SIRPA: variants seen among roughly 807,000 people sequenced by gnomAD.
SIRPA encodes tyrosine-protein phosphatase non-receptor type substrate 1.
SIRPA carries 9 observed loss-of-function variants against 50.3 expected under a neutral mutation model. The ratio of observed to expected loss-of-function variants is 0.18; its 90% CI spans 0.11 to 0.31. The LOEUF (loss-of-function observed/expected upper bound fraction) is 0.31. Ranked by LOEUF, SIRPA falls within the 10% of genes least tolerant of loss-of-function variation. SIRPA has a pLI of 1.00. For missense variants in SIRPA, 474 were observed against 661.6 expected (o/e 0.72, Z 3.11); for synonymous variants, 265 against 284.1 (o/e 0.93, Z 0.68).
At chr20:1,910,956 TAAAC>T (rs1984855622) in intron 1 of SIRPA, among the ~76,000 whole-genome samples, 1 of 152,114 alleles carries the variant, frequency 6.6e-6, no homozygotes, top group South Asian at 2.1e-4. Flanking sequence ...ACAGAAAACA[TAAAC>T]AAGAGCAAAA....
intron 2 of SIRPA, among the ~76,000 whole-genome samples, chr20:1,917,037 CA>C (rs1985347787): frequency 6.6e-6 from 1 of 152,186 alleles, no homozygotes; most frequent in Non-Finnish European, 1.5e-5. Flanking sequence ...ACAATCACAG[CA>C]AATACGTGGC....
At chr20:1,931,442 C>CT (rs1986293855) in intron 6 of SIRPA, among the ~76,000 whole-genome samples, 1 of 152,176 alleles carries the variant, frequency 6.6e-6, no homozygotes, top group Admixed American at 6.5e-5. Flanking sequence ...TTCTTGCTGT[C>CT]TATTTCTTCT....
At chr20:1,914,011 A>G (rs1985067440) in intron 1 of SIRPA, among the ~76,000 whole-genome samples, 1 of 152,088 alleles carries the variant, frequency 6.6e-6, no homozygotes, top group Admixed American at 6.5e-5. Context: ...TGAGGCCTGG[A>G]CTGGGTCCAG....
At chr20:1,896,230 G>A (rs556162845) in intron 1 of SIRPA, among the ~76,000 whole-genome samples, 39 of 152,284 alleles carry the variant, frequency 2.6e-4, no homozygotes, top group African/African-American at 8.7e-4. Flanking sequence ...TGCCTTCCCC[G>A]AGCTTCCAGG....
chr20:1,900,978 C>T (rs553146731), intron 1 of SIRPA, among the ~76,000 whole-genome samples: 2 of 152,212 alleles, frequency 1.3e-5, no homozygotes, highest in East Asian at 3.9e-4. Context: ...ACACCGTAAG[C>T]GCCAGATGTG....
Position 1,922,420 on chromosome 20 carries a change from T to C in SIRPA, c.862T>C (p.Leu288=), listed in dbSNP as rs777112949. The stretch of plus-strand genomic sequence containing the variant: ...CCCCCAGAGACTACAGCTGACCTGG[T>C]TGGAGAATGGAAACGTGTCCCGGAC... ...FYPQRLQLTW[L]ENGNVSRTET... is the part of the protein sequence containing the mutation. Residue 288 remains leucine (L), a synonymous_variant, in exon 4 of 8, where the codon TTG becomes CTG. Transcript: ENST00000358771. 1.3e-5 allele frequency: 21 copies of C among 1,614,000 alleles called. No individual in the cohort carries two copies. The highest frequency in any genetic ancestry group is 3.3e-5 in the South Asian group (3 of 91,074).
At chr20:1,920,830 CA>C (rs1985603556) in intron 2 of SIRPA, among the ~76,000 whole-genome samples, 3 of 152,182 alleles carry the variant, frequency 2.0e-5, no homozygotes, top group Admixed American at 2.0e-4. Flanking sequence ...TTATCCAAAG[CA>C]AAACTGCTTC....
At chr20:1,923,328 G>A (rs746635702) in intron 4 of SIRPA, among the ~76,000 whole-genome samples, 8 of 152,246 alleles carry the variant, frequency 5.3e-5, no homozygotes, top group Non-Finnish European at 1.2e-4. Context: ...TGGCATTTCA[G>A]TGCAGCCATG....
In SIRPA at chr20:1,895,480, C is replaced by T. The variant is rs1363734219; in HGVS notation, c.33C>T (p.Leu11=). The stretch of plus-strand genomic sequence containing the variant: ...CCGCCGGCCCGGCCCCCGGCCGCCT[C>T]GGGCCGCTGCTCTGCCTGCTGCTCG... MEPAGPAPGR[L]GPLLCLLLAA... Residue 11 remains leucine (L), a synonymous_variant, in exon 1 of 8, where the codon CTC becomes CTT. Transcript: ENST00000358771. The T allele has an allele frequency of 9.0e-6, 13 of 1,441,204 alleles. No individual in the cohort carries two copies. Among genetic ancestry groups the T allele is most frequent in the Non-Finnish European group, 9.1e-6 (10 of 1,102,470 alleles). 89.3% of individuals were successfully genotyped at this position (1,441,204 alleles called of 1,614,324 possible).
Position 1,919,180 on chromosome 20 carries a change from C to A in SIRPA, c.437-2215C>A, listed in dbSNP as rs139205775. 2.1e-3 allele frequency among the ~76,000 whole-genome samples: 317 copies of A among 152,358 alleles called. 1 individual carries two copies. In the Middle Eastern group the frequency reaches 0.024, roughly 11 times the overall value. On this transcript the variant is annotated intron_variant, in intron 2 of 7. Transcript: ENST00000358771. Reference sequence around the variant, plus strand: ...CCTTAGGATGTACTCAGGTAGTTTTCAATCTTGGCTGCTCTTTAGGATCAT... The same window carrying A: ...CCTTAGGATGTACTCAGGTAGTTTTAAATCTTGGCTGCTCTTTAGGATCAT...
Position 1,928,993 on chromosome 20 carries a change from GATAA to G in SIRPA, c.1226+1100_1226+1103del, listed in dbSNP as rs1986151183. 6.6e-6 allele frequency among the ~76,000 whole-genome samples: 1 copy of G among 152,180 alleles called. No homozygotes were observed. Among genetic ancestry groups the G allele is most frequent in the African/African-American group, 2.4e-5 (1 of 41,438 alleles). ...CCATGTGGACATCCGTGCTAAGAGTGATAAATAAAACTATAAATAGCTTCATGTT... is the reference window on the plus strand; with the variant it reads ...CCATGTGGACATCCGTGCTAAGAGTGATAAAACTATAAATAGCTTCATGTT... On this transcript the variant is annotated intron_variant, in intron 6 of 7. Transcript: ENST00000358771. The surrounding 1 kb of genome is among the most constrained non-coding windows in gnomAD (Gnocchi z 4.9).
intron 2 of SIRPA, among the ~76,000 whole-genome samples, chr20:1,920,522 T>G (rs1406286387): frequency 6.6e-6 from 1 of 152,210 alleles, no homozygotes; most frequent in Non-Finnish European, 1.5e-5. Context: ...TTCTGCCTGC[T>G]TGGGCGCCCT....
chr20:1,922,954 C>G (rs1378804602), intron 4 of SIRPA, among the ~76,000 whole-genome samples: 1 of 152,174 alleles, frequency 6.6e-6, no homozygotes, highest in Non-Finnish European at 1.5e-5. Context: ...AGTTGTCATG[C>G]TCCCCATTCC....
At chr20:1,925,003 G>A in intron 5 of SIRPA, 126 bp downstream of exon 5, 1 of 741,302 alleles carries the variant, frequency 1.3e-6, no homozygotes, top group Non-Finnish European at 2.3e-6. Flanking sequence ...AGAGGTAGTG[G>A]TGCTAGGGCT....
chr20:1,907,246 C>T (rs1301452206), intron 1 of SIRPA, among the ~76,000 whole-genome samples: 1 of 152,216 alleles, frequency 6.6e-6, no homozygotes, highest in Non-Finnish European at 1.5e-5. Context: ...CCAGGCCACA[C>T]GCATCCCCAT....
rs371422148 is a variant in SIRPA, at chr20:1,934,704, T to C, written c.1227-11T>C. ...AGGGTATTTTTATCTGTGTGTCTCT[T>C]TCCTTTTTAGGTTGCATGAGCCCGA... On this transcript the variant is annotated splice_polypyrimidine_tract_variant and intron_variant, in intron 6 of 7. Transcript: ENST00000358771. The surrounding 1 kb of genome is among the most constrained non-coding windows in gnomAD (Gnocchi z 4.6). 4 of 1,613,930 alleles carry C rather than the reference T, an allele frequency of 2.5e-6. No individual in the cohort carries two copies. In the African/African-American group the frequency reaches 5.3e-5, roughly 22 times the overall value.
intron 1 of SIRPA, among the ~76,000 whole-genome samples, chr20:1,903,318 G>A (rs1213191086): frequency 6.6e-6 from 1 of 152,180 alleles, no homozygotes; most frequent in Non-Finnish European, 1.5e-5. Context: ...CACGGGTTCT[G>A]TAAGATGGGA....
Position 1,895,494 on chromosome 20 carries a change from G to A in SIRPA, c.47G>A (p.Cys16Tyr). The change falls in exon 1 of 8, where the codon TGC (cysteine) becomes TAC (tyrosine). Residue 16 changes from cysteine (C) to tyrosine (Y), a missense_variant. Physicochemically the swap from Cys to Tyr is radical, Grantham distance 194. Around this residue, in one of 4 missense-constraint regions of SIRPA, gnomAD observed 72 missense variants for 76.2 expected, o/e 0.94. Transcript: ENST00000358771. Reference protein sequence around the residue: ...PAPGRLGPLLCLLLAASCAWS... With the variant: ...PAPGRLGPLLYLLLAASCAWS... Reference sequence around the variant, plus strand: ...CCCGGCCGCCTCGGGCCGCTGCTCTGCCTGCTGCTCGCCGCGTCCTGCGCC... The same window carrying A: ...CCCGGCCGCCTCGGGCCGCTGCTCTACCTGCTGCTCGCCGCGTCCTGCGCC... The A allele has an allele frequency of 6.8e-7, 1 of 1,460,664 alleles. No individual in the cohort carries two copies. Among genetic ancestry groups the A allele is most frequent in the South Asian group, 1.4e-5 (1 of 74,022 alleles). The allele number at this position is 1,460,664 out of a possible 1,614,324, so 90.5% of individuals were successfully genotyped here.
rs1361380318 is a variant in SIRPA at position 1,933,251 on chromosome 20, C to T, written c.1227-1464C>T. Among the ~76,000 whole-genome samples the T allele has an allele frequency of 6.6e-6, 1 of 152,158 alleles. No individual in the cohort carries two copies. Among genetic ancestry groups the T allele is most frequent in the African/African-American group, 2.4e-5 (1 of 41,442 alleles). ...TCTGAGATTGTCATGGAGGGGCAGC[C>T]CAGCCAGCGCAGCACTGTCAGCAGA... is the stretch of plus-strand genomic sequence containing the variant. On this transcript the variant is annotated intron_variant, in intron 6 of 7. Transcript: ENST00000358771. The surrounding 1 kb of genome is among the most constrained non-coding windows in gnomAD (Gnocchi z 4.4).
Sources: gnomAD v4.1 joint callset for allele counts (sites outside exome capture counted in the v4.1 genomes callset) on GRCh38, gnomAD v4.1.1 for gene constraint, gnomAD v4.1.1 regional missense constraint, Gnocchi (gnomAD v3.1) non-coding constraint, MANE v1.5 for transcripts, NCBI Gene and HGNC (gene_info 2026-07-23, HGNC 2026-07-21) for gene names.